The following OPHN1 variants were observed in gnomAD, a reference collection of about 807,000 sequenced individuals.
OPHN1 encodes oligophrenin 1.
OPHN1 carries 11 observed loss-of-function variants against 60.7 expected under a neutral mutation model. The observed-to-expected ratio is 0.18, with a 90% CI of 0.11 to 0.30. The LOEUF (loss-of-function observed/expected upper bound fraction) is 0.30. OPHN1 is among the 10% of genes least tolerant of loss of function. OPHN1 has a pLI of 1.00. For missense variants in OPHN1, 449 were observed against 611.0 expected, an observed-to-expected ratio of 0.73 and a Z score of 2.80; for synonymous variants, 226 against 222.6, an observed-to-expected ratio of 1.02 and a Z score of -0.14.
At chrX:68,093,516 C>T (rs948119809) in intron 19 of OPHN1, among the ~76,000 whole-genome samples, 2 of 111,016 alleles carry the variant, frequency 1.8e-5, no homozygotes, top group African/African-American at 3.3e-5. Flanking sequence ...CCAGAGCAGC[C>T]GCCCCATTTT....
intron 15 of OPHN1, among the ~76,000 whole-genome samples, chrX:68,158,925 G>GC (rs2077322077): frequency 1.8e-5 from 2 of 111,878 alleles, no homozygotes; most frequent in South Asian, 7.5e-4. Context: ...CCCTGCTCCA[G>GC]CTAATTCACA....
chrX:68,273,637 C>A (rs1291574193), intron 5 of OPHN1, among the ~76,000 whole-genome samples: 1 of 111,892 alleles, frequency 8.9e-6, no homozygotes, highest in Non-Finnish European at 1.9e-5. Flanking sequence ...GAATGAGGAG[C>A]TGAGTTGTTA....
At chrX:68,266,359 G>C (rs1264705036) in intron 5 of OPHN1, among the ~76,000 whole-genome samples, 1 of 111,807 alleles carries the variant, frequency 8.9e-6, no homozygotes, top group Non-Finnish European at 1.9e-5. Flanking sequence ...CCAAAAGAGA[G>C]TGGGGGCCAA....
At chrX:68,349,807 G>C (rs1484753751) in intron 2 of OPHN1, among the ~76,000 whole-genome samples, 1 of 110,122 alleles carries the variant, frequency 9.1e-6, no homozygotes, top group African/African-American at 3.3e-5. Context: ...ACTATCACAA[G>C]ATCAGAAAAC....
intron 18 of OPHN1, among the ~76,000 whole-genome samples, chrX:68,107,960 A>G (rs1363809039): frequency 8.9e-6 from 1 of 112,110 alleles, no homozygotes; most frequent in Non-Finnish European, 1.9e-5. Flanking sequence ...TCATGTCTAA[A>G]ACAGATCACT....
chrX:68,203,704 C>A (rs2147470250), intron 10 of OPHN1, among the ~76,000 whole-genome samples: 1 of 111,992 alleles, frequency 8.9e-6, no homozygotes, highest in Non-Finnish European at 1.9e-5. Context: ...GTTTAATGCC[C>A]CTACAATGCA....
intron 15 of OPHN1, among the ~76,000 whole-genome samples, chrX:68,128,086 G>A (rs2077179051): frequency 9.2e-6 from 1 of 108,220 alleles, no homozygotes; most frequent in Non-Finnish European, 1.9e-5. Context: ...GTCTCACTCT[G>A]TCACTCAGGC....
At chrX:68,113,123 T>C in intron 17 of OPHN1, 58 bp downstream of exon 17, 2 of 1,013,940 alleles carry the variant, frequency 2.0e-6, no homozygotes, top group South Asian at 1.9e-5. Context: ...TCTAGGCTTA[T>C]TGCAGTAAAC....
intron 19 of OPHN1, among the ~76,000 whole-genome samples, chrX:68,093,826 C>T (rs988179507): frequency 7.3e-5 from 8 of 110,248 alleles, no homozygotes; most frequent in Non-Finnish European, 1.5e-4. Flanking sequence ...TTGTCAGATA[C>T]GTGGTTTGCA....
At position 68,285,658 on chromosome X, in the gene OPHN1, C is replaced by T. The variant is rs1478639462; in HGVS notation, c.251-2541G>A. On this transcript the variant is annotated intron_variant, in intron 3 of 24. Coordinates refer to ENST00000355520, the MANE Select transcript of OPHN1 (RefSeq NM_002547.3). ...TTCTCATTCTGTATATGCTCTTATGCTTGATGATATCCCACAGGTATCTGA... is the reference window on the plus strand; with the variant it reads ...TTCTCATTCTGTATATGCTCTTATGTTTGATGATATCCCACAGGTATCTGA... Among the ~76,000 whole-genome samples the T allele has an allele frequency of 7.2e-5, 8 of 110,505 alleles. 1 individual carries two copies. Among genetic ancestry groups the T allele is most frequent in the Non-Finnish European group, 1.3e-4 (7 of 52,943 alleles).
At chrX:68,418,677 T>C (rs2078811172) in intron 2 of OPHN1, among the ~76,000 whole-genome samples, 1 of 112,044 alleles carries the variant, frequency 8.9e-6, no homozygotes, top group Non-Finnish European at 1.9e-5. Flanking sequence ...TGGAACAATT[T>C]TGAGCAAATA....
chrX:68,062,627 A>C (rs752976531), intron 21 of OPHN1, among the ~76,000 whole-genome samples: 4 of 112,135 alleles, frequency 3.6e-5, no homozygotes, highest in Non-Finnish European at 5.6e-5. Context: ...GGCATGTAGA[A>C]TGGGGCCAGG....
chrX:68,408,555 C>G (rs1002711616), intron 2 of OPHN1, among the ~76,000 whole-genome samples: 1 of 112,446 alleles, frequency 8.9e-6, no homozygotes, highest in Non-Finnish European at 1.9e-5. Context: ...CAGCTTTATT[C>G]TGGATATTGA....
At chrX:68,099,427 G>C (rs1036601880) in intron 18 of OPHN1, among the ~76,000 whole-genome samples, 1 of 111,301 alleles carries the variant, frequency 9.0e-6, no homozygotes, top group African/African-American at 3.3e-5. Context: ...GGGCAAGGCA[G>C]GTAACTTACA....
chrX:68,229,867 T>A (rs1258785734), intron 6 of OPHN1, among the ~76,000 whole-genome samples: 6 of 111,507 alleles, frequency 5.4e-5, no homozygotes, highest in African/African-American at 2.0e-4. Context: ...GGACTTCATG[T>A]CTAAAACACC....
intron 2 of OPHN1, among the ~76,000 whole-genome samples, chrX:68,416,853 A>T (rs946863845): frequency 8.9e-6 from 1 of 112,208 alleles, no homozygotes; most frequent in Non-Finnish European, 1.9e-5. Flanking sequence ...GCTATTCTGT[A>T]TCTATTGCAA....
intron 20 of OPHN1, among the ~76,000 whole-genome samples, chrX:68,068,549 C>T (rs1042757238): frequency 9.3e-6 from 1 of 107,486 alleles, no homozygotes. Flanking sequence ...TAATATAGAC[C>T]GACCATATAA....
At chrX:68,405,936 G>A (rs1214248246) in intron 2 of OPHN1, among the ~76,000 whole-genome samples, 2 of 110,316 alleles carry the variant, frequency 1.8e-5, no homozygotes, top group Non-Finnish European at 3.8e-5. Flanking sequence ...TTGAGGCCAG[G>A]AGTTCAAGAC....
intron 15 of OPHN1, among the ~76,000 whole-genome samples, chrX:68,169,379 C>T (rs1218792763): frequency 1.8e-5 from 2 of 110,910 alleles, no homozygotes; most frequent in Non-Finnish European, 3.8e-5. Context: ...AGATTTAATG[C>T]CATCCCCATC....
Sources: gnomAD v4.1 joint callset for allele counts (sites outside exome capture counted in the v4.1 genomes callset) on GRCh38, gnomAD v4.1.1 for gene constraint, MANE v1.5 for transcripts, NCBI Gene and HGNC (gene_info 2026-07-23, HGNC 2026-07-21) for gene names.